TEAD1: variants seen among roughly 807,000 people sequenced by gnomAD.
TEAD1 encodes transcriptional enhancer factor TEF-1.
Under a neutral mutation model 54.9 loss-of-function variants are expected in TEAD1, and 9 were observed. The observed-to-expected ratio is 0.16, with a 90% CI of 0.10 to 0.29. The LOEUF (loss-of-function observed/expected upper bound fraction) is 0.29. Among genes scored for constraint, TEAD1 ranks in the 10% least tolerant of loss-of-function variants. TEAD1 has a pLI of 1.00. For missense variants in TEAD1, 387 were observed against 535.9 expected (o/e 0.72, Z 2.74); for synonymous variants, 200 against 187.8 (o/e 1.07, Z -0.53).
intron 2 of TEAD1, among the ~76,000 whole-genome samples, chr11:12,754,168 G>A (rs535328205): frequency 5.8e-4 from 88 of 152,154 alleles, no homozygotes; most frequent in Middle Eastern, 3.2e-3. Flanking sequence ...AGTTTAAGTC[G>A]TTCAGCTTTG....
chr11:12,882,970 C>A, intron 8 of TEAD1, 31 bp from the exon 9 acceptor site: 4 of 1,614,078 alleles, frequency 2.5e-6, no homozygotes, highest in Non-Finnish European at 3.4e-6. Context: ...AGGTGAGTGA[C>A]CAGCATCAAA....
chr11:12,802,145 C>G (rs940317686), intron 3 of TEAD1, among the ~76,000 whole-genome samples: 2 of 152,140 alleles, frequency 1.3e-5, no homozygotes, highest in African/African-American at 4.8e-5. Context: ...GTTACCCATT[C>G]AGAACAGAGC....
At chr11:12,864,657 GT>G in intron 4 of TEAD1, 180 bp from the exon 5 acceptor site, 2 of 1,383,754 alleles carry the variant, frequency 1.4e-6, no homozygotes, top group South Asian at 2.9e-5. Context: ...GTTTTGTTTT[GT>G]TTCCCCTCAT....
In TEAD1 at chr11:12,804,905, G is replaced by A. The variant is rs557392266; in HGVS notation, c.202+40471G>A. Among the ~76,000 whole-genome samples the A allele has an allele frequency of 3.3e-5, 5 of 152,326 alleles. No individual in the cohort carries two copies. The South Asian group carries it at 1.0e-3, about 32-fold the overall frequency. The stretch of plus-strand genomic sequence containing the variant: ...CACAAAATCATTCAAAGGATGGGGT[G>A]GATGTGGGAGTGGTAGTATTTGCCC... On this transcript the variant is annotated intron_variant, in intron 3 of 12. Transcript: ENST00000527636.
intron 3 of TEAD1, among the ~76,000 whole-genome samples, chr11:12,803,125 A>G (rs1288004654): frequency 6.6e-6 from 1 of 150,900 alleles, no homozygotes; most frequent in African/African-American, 2.4e-5. Context: ...GTTTTGCCAT[A>G]AAACTGCTGT....
At chr11:12,762,005 T>C (rs1048636553) in intron 2 of TEAD1, among the ~76,000 whole-genome samples, 9 of 152,128 alleles carry the variant, frequency 5.9e-5, no homozygotes, top group African/African-American at 2.2e-4. Context: ...ATGAGAACAT[T>C]CTTTTAAGGC....
intron 2 of TEAD1, among the ~76,000 whole-genome samples, chr11:12,708,716 A>G (rs1181137545): frequency 6.6e-6 from 1 of 152,208 alleles, no homozygotes; most frequent in Non-Finnish European, 1.5e-5. Flanking sequence ...TTAAAAAAGG[A>G]AAAGTTACAT....
At position 12,856,720 on chromosome 11, in the gene TEAD1, C is replaced by T. The variant is rs1589929632; in HGVS notation, c.203-5530C>T. On this transcript the variant is annotated intron_variant, in intron 3 of 12. Transcript: ENST00000527636. ...AAGAACGGGGTGGAGAATCCTCACA[C>T]ATCCTTCCCAGTGAAGGGAAAGGGC... 2.0e-5 allele frequency among the ~76,000 whole-genome samples: 3 copies of T among 152,316 alleles called. No individual in the cohort carries two copies. In the South Asian group the frequency reaches 6.2e-4, roughly 32 times the overall value.
At chr11:12,768,200 C>A (rs922039550) in intron 3 of TEAD1, among the ~76,000 whole-genome samples, 1 of 152,182 alleles carries the variant, frequency 6.6e-6, no homozygotes, top group African/African-American at 2.4e-5. Context: ...TGGCCCTGCA[C>A]TTCTAGATAT....
At chr11:12,714,465 G>T (rs1453183738) in intron 2 of TEAD1, among the ~76,000 whole-genome samples, 1 of 152,064 alleles carries the variant, frequency 6.6e-6, no homozygotes, top group African/African-American at 2.4e-5. Context: ...ACCACACCTG[G>T]CTAATTTTTG....
chr11:12,675,709 C>T (rs539237473), intron 2 of TEAD1, 148 bp downstream of exon 2: 1 of 152,170 alleles, frequency 6.6e-6, no homozygotes, highest in Non-Finnish European at 1.5e-5. Context: ...AGTTTAACTT[C>T]TGTGACTTTT....
intron 3 of TEAD1, among the ~76,000 whole-genome samples, chr11:12,855,075 C>G (rs912512457): frequency 6.6e-6 from 1 of 152,130 alleles, no homozygotes; most frequent in Non-Finnish European, 1.5e-5. Context: ...AGTAACTCCT[C>G]ACAGGTTAGT....
intron 2 of TEAD1, among the ~76,000 whole-genome samples, chr11:12,732,663 G>C (rs941056217): frequency 6.6e-6 from 1 of 152,200 alleles, no homozygotes; most frequent in Non-Finnish European, 1.5e-5. Context: ...ATGTCCTCCA[G>C]AAAGGCAGAC....
chr11:12,846,981 T>C (rs1318015176), intron 3 of TEAD1, among the ~76,000 whole-genome samples: 1 of 152,202 alleles, frequency 6.6e-6, no homozygotes, highest in Non-Finnish European at 1.5e-5. Context: ...TGGGTATTTC[T>C]GCATTCCATA....
At chr11:12,814,829 G>A (rs887543041) in intron 3 of TEAD1, among the ~76,000 whole-genome samples, 11 of 115,748 alleles carry the variant, frequency 9.5e-5, no homozygotes, top group Middle Eastern at 4.5e-3. Flanking sequence ...GTGTGTGTGT[G>A]TGTGTGTGTG....
intron 5 of TEAD1, among the ~76,000 whole-genome samples, chr11:12,871,106 A>G (rs1303727121): frequency 2.0e-5 from 3 of 152,182 alleles, no homozygotes; most frequent in African/African-American, 7.2e-5. Flanking sequence ...TCTAAAGTAG[A>G]AGATGAATCC....
At position 12,813,115 on chromosome 11, in the gene TEAD1, G is replaced by GGGA. The variant is rs946219820; in HGVS notation, c.202+48686_202+48688dup. Reference sequence around the variant, plus strand: ...CAGTCCAGCCGGCTTGGAGCTGGAAGGGAGGAGTTCAGTCTTAGGTCAAGA... The same window carrying GGGA: ...CAGTCCAGCCGGCTTGGAGCTGGAAGGGAGGAGGAGTTCAGTCTTAGGTCAAGA... On this transcript the variant is annotated intron_variant, in intron 3 of 12. Coordinates refer to ENST00000527636, the MANE Select transcript of TEAD1 (RefSeq NM_021961.6). Among the ~76,000 whole-genome samples, 7 of 152,176 alleles carry GGGA rather than the reference G, an allele frequency of 4.6e-5. 2 individuals carry two copies. The highest frequency in any genetic ancestry group is 1.0e-4 in the Non-Finnish European group (7 of 68,034).
intron 9 of TEAD1, among the ~76,000 whole-genome samples, chr11:12,886,024 A>G (rs931422752): frequency 6.6e-6 from 1 of 152,236 alleles, no homozygotes; most frequent in Non-Finnish European, 1.5e-5. Flanking sequence ...TCTAGGAAGG[A>G]AGAATACTGA....
chr11:12,810,120 A>G lies in TEAD1; in HGVS notation c.202+45686A>G, dbSNP rs767424980. Among the ~76,000 whole-genome samples the G allele has an allele frequency of 2.0e-5, 3 of 151,842 alleles. No individual in the cohort carries two copies. The East Asian group carries it at 5.8e-4, about 30-fold the overall frequency. ...CTCAGCCTTCCGAGTAGTTGGGACT[A>G]TAGGCGCACACCACCACGCCTGGCT... On this transcript the variant is annotated intron_variant, in intron 3 of 12. Coordinates refer to ENST00000527636, the MANE Select transcript of TEAD1 (RefSeq NM_021961.6).
Sources: gnomAD v4.1 joint callset for allele counts (sites outside exome capture counted in the v4.1 genomes callset) on GRCh38, gnomAD v4.1.1 for gene constraint, MANE v1.5 for transcripts, NCBI Gene and HGNC (gene_info 2026-07-23, HGNC 2026-07-21) for gene names.